Variants in CTNNA2 observed in about 807,000 individuals in gnomAD.
CTNNA2 encodes the protein catenin alpha-2.
CTNNA2 carries 42 observed loss-of-function variants against 101.0 expected under a neutral mutation model. The observed-to-expected ratio is 0.42, with a 90% confidence interval of 0.32 to 0.54. CTNNA2 has a LOEUF of 0.54. Ranked by LOEUF, CTNNA2 falls within the 20% of genes least tolerant of loss-of-function variation. The pLI is 0.14. For missense variants in CTNNA2, 871 were observed against 1,223.1 expected (o/e 0.71, Z 4.29); for synonymous variants, 450 against 456.4 (o/e 0.99, Z 0.18).
chr2:79,645,252 A>G (rs552190603), intron 1 of CTNNA2, among the ~76,000 whole-genome samples: 29 of 152,206 alleles, frequency 1.9e-4, no homozygotes, highest in African/African-American at 5.8e-4. Context: ...CTCCCAAAGT[A>G]CTGGGATTAT....
At chr2:80,168,992 T>C (rs1573284764) in intron 7 of CTNNA2, among the ~76,000 whole-genome samples, 1 of 152,194 alleles carries the variant, frequency 6.6e-6, no homozygotes, top group East Asian at 1.9e-4. Context: ...GCCCCCACTT[T>C]GGCCTCCCCT....
At chr2:79,408,006 T>A (rs1678358992) in intron 4 of CTNNA2, among the ~76,000 whole-genome samples, 1 of 151,984 alleles carries the variant, frequency 6.6e-6, no homozygotes, top group Non-Finnish European at 1.5e-5. Context: ...GGACTTTGAG[T>A]TTTTGTCTGG....
intron 7 of CTNNA2, among the ~76,000 whole-genome samples, chr2:80,358,868 C>T (rs1312085336): frequency 6.6e-6 from 1 of 151,818 alleles, no homozygotes; most frequent in Admixed American, 6.6e-5. Context: ...ACAGAAATAT[C>T]ACTTCACCCA....
chr2:79,977,412 A>T lies in CTNNA2; in HGVS notation c.1056+67615A>T, dbSNP rs184585493. Among the ~76,000 whole-genome samples, 24 of 152,228 alleles carry T rather than the reference A, an allele frequency of 1.6e-4. No homozygotes were observed. In the East Asian group the frequency reaches 3.7e-3, roughly 23 times the overall value. On this transcript the variant is annotated intron_variant, in intron 7 of 18. Transcript: ENST00000402739. ...GGCATGTATGTGTAGAGGCCAAGGAAGCTGCTAAACACCCTGTAGTGTACA... is the reference window on the plus strand; with the variant it reads ...GGCATGTATGTGTAGAGGCCAAGGATGCTGCTAAACACCCTGTAGTGTACA...
At chr2:79,678,607 T>G (rs12105098) in intron 2 of CTNNA2, among the ~76,000 whole-genome samples, 3,795 of 151,964 alleles carry the variant, frequency 0.025, 110 homozygotes, top group Admixed American at 0.069. Flanking sequence ...AGTGGTAGGC[T>G]GTGTCCCTGT....
At chr2:79,338,599 T>TTCTTCTTCC (rs1677057459) in intron 3 of CTNNA2, among the ~76,000 whole-genome samples, 3 of 145,648 alleles carry the variant, frequency 2.1e-5, no homozygotes, top group African/African-American at 7.9e-5. Flanking sequence ...CTTCTTCTTC[T>TTCTTCTTCC]TCTTCTTCTT....
chr2:80,418,814 G>A (rs1205152112), intron 8 of CTNNA2, among the ~76,000 whole-genome samples: 1 of 152,108 alleles, frequency 6.6e-6, no homozygotes, highest in African/African-American at 2.4e-5. Context: ...TTAACAATGT[G>A]GGAATGATGT....
chr2:79,616,716 A>G (rs1009630861), intron 1 of CTNNA2, among the ~76,000 whole-genome samples: 1 of 151,974 alleles, frequency 6.6e-6, no homozygotes, highest in Non-Finnish European at 1.5e-5. Context: ...CAGTGAAAAG[A>G]CTTTATGTTT....
intron 11 of CTNNA2, among the ~76,000 whole-genome samples, chr2:80,548,639 CAGAG>C (rs1327416821): frequency 1.3e-5 from 2 of 152,154 alleles, no homozygotes; most frequent in African/African-American, 2.4e-5. Context: ...CAGGCGCTGT[CAGAG>C]AGCCAGCTTG....
intron 7 of CTNNA2, among the ~76,000 whole-genome samples, chr2:80,018,682 G>A (rs1208109685): frequency 6.6e-6 from 1 of 151,738 alleles, no homozygotes; most frequent in East Asian, 1.9e-4. Flanking sequence ...TCGGGAGGCT[G>A]AGGCAGGAGA....
At chr2:79,498,819 G>C (rs953966279) in intron 4 of CTNNA2, 1 of 152,064 alleles carries the variant, frequency 6.6e-6, no homozygotes, top group African/African-American at 2.4e-5. Flanking sequence ...CTTCACCTTG[G>C]GGATAAGACT....
At chr2:79,938,070 C>A (rs969827560) in intron 7 of CTNNA2, among the ~76,000 whole-genome samples, 11 of 152,088 alleles carry the variant, frequency 7.2e-5, no homozygotes, top group Non-Finnish European at 1.3e-4. Context: ...TTAGAAAACA[C>A]ATGGAAAAAA....
intron 7 of CTNNA2, among the ~76,000 whole-genome samples, chr2:80,278,757 T>C (rs932206516): frequency 6.6e-6 from 1 of 152,038 alleles, no homozygotes; most frequent in Non-Finnish European, 1.5e-5. Flanking sequence ...TTAAAGGTGC[T>C]AGTTTTCATG....
intron 9 of CTNNA2, among the ~76,000 whole-genome samples, chr2:80,535,294 T>C (rs939300665): frequency 3.3e-5 from 5 of 152,196 alleles, no homozygotes; most frequent in African/African-American, 7.2e-5. Flanking sequence ...GTCTGTCATA[T>C]ATAGGCACTC....
At chr2:79,287,000 T>C (rs1260137662) in intron 2 of CTNNA2, among the ~76,000 whole-genome samples, 2 of 152,218 alleles carry the variant, frequency 1.3e-5, no homozygotes, top group African/African-American at 4.8e-5. Flanking sequence ...CTTCATTTCA[T>C]TCATTTCATC....
rs1294965035 is a variant in CTNNA2 at position 80,569,638 on chromosome 2, T to TTTTTTTTTTG, written c.1742-4516_1742-4515insGTTTTTTTTT. 6.8e-5 allele frequency among the ~76,000 whole-genome samples: 3 copies of TTTTTTTTTTG among 44,016 alleles called. 1 individual carries two copies. The highest frequency in any genetic ancestry group is 2.1e-4 in the African/African-American group (2 of 9,574). The allele number at this position is 44,016 out of a possible 152,430, so 28.9% of individuals were successfully genotyped here. A position where few individuals can be genotyped will look rare whatever the true frequency, so the allele number is the denominator to read the frequency against. On this transcript the variant is annotated intron_variant, in intron 12 of 18. Transcript: ENST00000402739. ...ATTACTTTTGGGGTATTTAGGTTTT[T>TTTTTTTTTTG]TTTTTTTTTTTTTTTTTTTTTTGAG...
intron 4 of CTNNA2, among the ~76,000 whole-genome samples, chr2:79,482,307 T>A (rs780153326): frequency 6.6e-6 from 1 of 152,160 alleles, no homozygotes; most frequent in Non-Finnish European, 1.5e-5. Flanking sequence ...TGGAAAAGTA[T>A]CTTCACCTTT....
chr2:79,304,714 A>G (rs1430305404), intron 2 of CTNNA2, among the ~76,000 whole-genome samples: 1 of 152,228 alleles, frequency 6.6e-6, no homozygotes. Context: ...GGTTATAAAG[A>G]TGAAAAATTG....
intron 7 of CTNNA2, among the ~76,000 whole-genome samples, chr2:80,134,943 G>A (rs1702610211): frequency 6.6e-6 from 1 of 152,116 alleles, no homozygotes; most frequent in Non-Finnish European, 1.5e-5. Context: ...TGTTATGGTG[G>A]TGTTATTGCT....
Sources: gnomAD v4.1 joint callset for allele counts (sites outside exome capture counted in the v4.1 genomes callset) on GRCh38, gnomAD v4.1.1 for gene constraint, MANE v1.5 for transcripts, NCBI Gene and HGNC (gene_info 2026-07-23, HGNC 2026-07-21) for gene names.